ABI2: variants seen among roughly 807,000 people sequenced by gnomAD.
ABI2 encodes the protein abelson interactor 2.
ABI2 carries 25 observed loss-of-function variants against 59.2 expected under a neutral mutation model. That is an observed-to-expected ratio of 0.42 (90% CI 0.31 to 0.59). ABI2 has a LOEUF of 0.59. ABI2 is among the 20% of genes least tolerant of loss of function. The pLI, the probability that ABI2 is intolerant of heterozygous loss-of-function variation, is 0.14. For synonymous variants in ABI2, 213 were observed against 235.5 expected, an observed-to-expected ratio of 0.90 and a Z score of 0.87; for missense variants, 545 against 681.8, an observed-to-expected ratio of 0.80 and a Z score of 2.23.
rs187460278 is a variant in ABI2, at chr2:203,373,881, G to A, written c.286-6327G>A. Among the ~76,000 whole-genome samples the A allele has an allele frequency of 3.0e-3, 458 of 152,318 alleles. 3 individuals are homozygous for A. Among genetic ancestry groups the A allele is most frequent in the African/African-American group, 0.01 (426 of 41,576 alleles). ...TTTTACTGTCTAAAAACTTTAGGCT[G>A]GGTGTGGTGGCTCATGCCTGTAGTC... is the stretch of plus-strand genomic sequence containing the variant. On this transcript the variant is annotated intron_variant, in intron 2 of 11. Transcript: ENST00000261018.
chr2:203,373,496 A>AGGGAGAGGGAGC (rs201411546), intron 2 of ABI2, among the ~76,000 whole-genome samples: 3 of 151,298 alleles, frequency 2.0e-5, no homozygotes, highest in Admixed American at 6.6e-5. Flanking sequence ...GGAGAGGGAG[A>AGGGAGAGGGAGC]GGGAGAGGGA....
In ABI2 at chr2:203,358,322, A is replaced by G. The variant is rs79083473; in HGVS notation, c.118-8555A>G. 6.7e-3 allele frequency among the ~76,000 whole-genome samples: 1,018 copies of G among 151,672 alleles called. 13 individuals are homozygous for G. The highest frequency in any genetic ancestry group is 0.028 in the Admixed American group (421 of 15,220). ...TTTTTAAATTTTATTTTTATTTTTT[A>G]TTTTTTGTAGAGACAAGGTCTTTCT... is the stretch of plus-strand genomic sequence containing the variant. On this transcript the variant is annotated intron_variant, in intron 1 of 11. Transcript: ENST00000261018.
chr2:203,360,184 CAAAAAAAAAA>C (rs58857922), intron 1 of ABI2, among the ~76,000 whole-genome samples: 1 of 70,904 alleles, frequency 1.4e-5, no homozygotes, highest in Non-Finnish European at 2.7e-5. Context: ...GACTCCATCT[CAAAAAAAAAA>C]AAAAAAAAAA....
chr2:203,401,600 A>G (rs919622637), intron 8 of ABI2, among the ~76,000 whole-genome samples: 25 of 152,324 alleles, frequency 1.6e-4, no homozygotes, highest in African/African-American at 5.5e-4. Context: ...TGATAACTAT[A>G]TATGGACTTA....
rs1178738434 is a variant in ABI2 at position 203,328,896 on chromosome 2, C to T, written c.117+265C>T. On this transcript the variant is annotated intron_variant, in intron 1 of 11. Transcript: ENST00000261018. Reference sequence around the variant, plus strand: ...CCCGCCTCCTCGCCGCTCCCGCCCTCGGCCGCCCCCGCACTCCGCGCCGGT... The same window carrying T: ...CCCGCCTCCTCGCCGCTCCCGCCCTTGGCCGCCCCCGCACTCCGCGCCGGT... 3 of 285,576 alleles carry T rather than the reference C, an allele frequency of 1.1e-5. No homozygotes were observed. The East Asian group carries it at 1.9e-4, about 18-fold the overall frequency. 17.7% of individuals were successfully genotyped at this position (285,576 alleles called of 1,614,324 possible).
chr2:203,343,420 G>C (rs2081255602), intron 1 of ABI2, among the ~76,000 whole-genome samples: 1 of 152,156 alleles, frequency 6.6e-6, no homozygotes, highest in Admixed American at 6.5e-5. Context: ...CATGTTATGT[G>C]CATGTAATGA....
chr2:203,392,991 T>A, intron 5 of ABI2, among the ~76,000 whole-genome samples: 1 of 152,050 alleles, frequency 6.6e-6, no homozygotes, highest in East Asian at 1.9e-4. Context: ...AAAAATCTTA[T>A]TTGTGTCATT....
At chr2:203,404,131 TG>T (rs1172681219) in intron 9 of ABI2, among the ~76,000 whole-genome samples, 3 of 152,194 alleles carry the variant, frequency 2.0e-5, no homozygotes, top group Non-Finnish European at 2.9e-5. Flanking sequence ...TTCTCTTTTT[TG>T]GAGGGGAAGG....
chr2:203,410,160 C>CA (rs769908896), intron 9 of ABI2, among the ~76,000 whole-genome samples: 5 of 152,186 alleles, frequency 3.3e-5, no homozygotes, highest in Non-Finnish European at 7.3e-5. Context: ...GAGGTCATTT[C>CA]ATTGTAGCCC....
intron 2 of ABI2, among the ~76,000 whole-genome samples, chr2:203,377,550 A>G (rs886364434): frequency 3.3e-5 from 5 of 152,210 alleles, no homozygotes; most frequent in Admixed American, 2.0e-4. Context: ...TTTTTGAAGC[A>G]TACTTGATGG....
intron 7 of ABI2, 107 bp downstream of exon 7, chr2:203,395,887 G>T: frequency 7.8e-7 from 1 of 1,290,238 alleles, no homozygotes; most frequent in East Asian, 2.6e-5. Flanking sequence ...TTTTTCTTTA[G>T]GAATCATAAA....
intron 10 of ABI2, 146 bp downstream of exon 10, chr2:203,411,517 A>G: frequency 1.5e-6 from 1 of 656,290 alleles, no homozygotes; most frequent in South Asian, 2.2e-5. Context: ...TGGAGATAAA[A>G]TAGAGAAATT....
intron 1 of ABI2, among the ~76,000 whole-genome samples, chr2:203,363,553 G>GGT (rs1432347502): frequency 1.3e-5 from 2 of 149,708 alleles, no homozygotes; most frequent in Non-Finnish European, 3.0e-5. Context: ...CCCATCCTCT[G>GGT]GTAACCATCC....
intron 1 of ABI2, among the ~76,000 whole-genome samples, chr2:203,364,015 T>TGGCCTCCCAAA (rs2093956830): frequency 6.6e-6 from 1 of 151,584 alleles, no homozygotes; most frequent in Admixed American, 6.6e-5. Context: ...CTGCCCACCT[T>TGGCCTCCCAAA]GGCCTCCCAA....
chr2:203,427,399 C>T lies in ABI2; in HGVS notation c.*47C>T, dbSNP rs2098449266. 1 of 1,531,474 alleles carries T rather than the reference C, an allele frequency of 6.5e-7. No homozygotes were observed. 94.9% of individuals were successfully genotyped at this position (1,531,474 alleles called of 1,614,324 possible). On this transcript the variant is annotated 3_prime_UTR_variant, in exon 12 of 12. Coordinates refer to ENST00000261018, the MANE Select transcript of ABI2 (RefSeq NM_001375670.1). ...CCTCACAGGAATAGTCAGGTCTTCC[C>T]AGATTATCTGAAGGCCCTGGGGATT...
chr2:203,339,580 CAAAAAAAA>C (rs943110280), intron 1 of ABI2, among the ~76,000 whole-genome samples: 1 of 59,124 alleles, frequency 1.7e-5, no homozygotes, highest in Non-Finnish European at 3.5e-5. Flanking sequence ...GACTCCGTCT[CAAAAAAAA>C]AAAAAAAAAG....
chr2:203,394,532 A>G (rs2096895919), intron 5 of ABI2, 168 bp from the exon 6 acceptor site: 1 of 615,904 alleles, frequency 1.6e-6, no homozygotes, highest in African/African-American at 1.9e-5. Context: ...CAAAACCCTA[A>G]TGGTGGAGAA....
chr2:203,372,470 G>A (rs1158349094), intron 2 of ABI2, among the ~76,000 whole-genome samples: 4 of 152,190 alleles, frequency 2.6e-5, no homozygotes, highest in East Asian at 3.9e-4. Context: ...GGTGGTGGCC[G>A]GGCAGAGGGG....
Position 203,395,171 on chromosome 2 carries a change from A to C in ABI2, c.725+325A>C, listed in dbSNP as rs1579069338. 23 of 695,418 alleles carry C rather than the reference A, an allele frequency of 3.3e-5. No individual in the cohort carries two copies. The East Asian group carries it at 6.2e-4, about 19-fold the overall frequency. The allele number at this position is 695,418 out of a possible 1,614,324, so 43.1% of individuals were successfully genotyped here. ...CTTTACAGATGAAAAACTATACATA[A>C]TAAAACATTAATATGGGATAGTACA... On this transcript the variant is annotated intron_variant, in intron 6 of 11. Coordinates refer to ENST00000261018, the MANE Select transcript of ABI2 (RefSeq NM_001375670.1).
Sources: gnomAD v4.1 joint callset for allele counts (sites outside exome capture counted in the v4.1 genomes callset) on GRCh38, gnomAD v4.1.1 for gene constraint, MANE v1.5 for transcripts, NCBI Gene and HGNC (gene_info 2026-07-23, HGNC 2026-07-21) for gene names.